Variants in SFMBT1 observed in about 807,000 individuals in gnomAD.
SFMBT1 encodes scm-like with four MBT domains protein 1.
Under a neutral mutation model 108.7 loss-of-function variants are expected in SFMBT1, and 32 were observed. That is an observed-to-expected ratio of 0.29 (90% CI 0.22 to 0.40). The LOEUF (loss-of-function observed/expected upper bound fraction) is 0.40, where lower values mean the gene tolerates loss of function less well. Among genes scored for constraint, SFMBT1 ranks in the 10% least tolerant of loss-of-function variants. The pLI, the probability that SFMBT1 is intolerant of heterozygous loss-of-function variation, is 1.00. For missense variants in SFMBT1, 816 were observed against 1,059.6 expected, an observed-to-expected ratio of 0.77 and a Z score of 3.19; for synonymous variants, 348 against 369.5, an observed-to-expected ratio of 0.94 and a Z score of 0.67.
chr3:52,946,348 C>T (rs1703364808), intron 3 of SFMBT1, among the ~76,000 whole-genome samples: 1 of 152,218 alleles, frequency 6.6e-6, no homozygotes, highest in Non-Finnish European at 1.5e-5. Context: ...AAAAGTCCTC[C>T]CCCGCTAGTC....
chr3:53,004,249 C>CT (rs201534367), intron 1 of SFMBT1, among the ~76,000 whole-genome samples: 11,497 of 86,956 alleles, frequency 0.13, 1,506 homozygotes, highest in South Asian at 0.35. Flanking sequence ...TCCCTTCTTT[C>CT]TTCTTTCTCT....
intron 13 of SFMBT1, among the ~76,000 whole-genome samples, chr3:52,916,905 C>G (rs1054773175): frequency 6.6e-6 from 1 of 152,016 alleles, no homozygotes; most frequent in Non-Finnish European, 1.5e-5. Flanking sequence ...AGTCAAAGAA[C>G]AGAAACTTTA....
chr3:53,016,853 C>A (rs573610722), intron 1 of SFMBT1, among the ~76,000 whole-genome samples: 27 of 152,240 alleles, frequency 1.8e-4, no homozygotes, highest in African/African-American at 6.3e-4. Context: ...GAAATTCTTC[C>A]CCATTCTGAA....
chr3:52,909,453 T>C (rs1702164950), intron 17 of SFMBT1, among the ~76,000 whole-genome samples: 1 of 152,232 alleles, frequency 6.6e-6, no homozygotes, highest in Admixed American at 6.5e-5. Context: ...TTATAAGATT[T>C]TGTAATTTAA....
At chr3:53,016,260 C>G (rs1699121261) in intron 1 of SFMBT1, among the ~76,000 whole-genome samples, 1 of 152,192 alleles carries the variant, frequency 6.6e-6, no homozygotes, top group Non-Finnish European at 1.5e-5. Flanking sequence ...ACTACACTCT[C>G]TGAGCTCTAA....
chr3:52,958,325 TCA>T (rs1703848703), intron 2 of SFMBT1, among the ~76,000 whole-genome samples: 1 of 152,218 alleles, frequency 6.6e-6, no homozygotes, highest in Non-Finnish European at 1.5e-5. Flanking sequence ...GCAGGGTGGC[TCA>T]TGCCTGTAAT....
chr3:52,977,522 A>AAAAAG (rs1034726548), intron 1 of SFMBT1, among the ~76,000 whole-genome samples: 1 of 152,140 alleles, frequency 6.6e-6, no homozygotes, highest in Non-Finnish European at 1.5e-5. Flanking sequence ...AAGGAAAAAG[A>AAAAAG]AAAAGAAAAG....
In SFMBT1 at chr3:52,972,873, C is replaced by CACACACAT. The variant is rs1553639763; in HGVS notation, c.-130-3616_-130-3615insATGTGTGT. On this transcript the variant is annotated intron_variant, in intron 1 of 20. Transcript: ENST00000394752. ...ACACACACACACACACACACACACACACTAGCTGAGTGTGGTCGCGGGCAC... is the reference window on the plus strand; with the variant it reads ...ACACACACACACACACACACACACACACACACATACTAGCTGAGTGTGGTCGCGGGCAC... Among the ~76,000 whole-genome samples, 10 of 150,214 alleles carry CACACACAT rather than the reference C, an allele frequency of 6.7e-5. 1 individual carries two copies. The highest frequency in any genetic ancestry group is 2.2e-4 in the African/African-American group (9 of 40,250).
chr3:53,025,256 T>C (rs1699448007), intron 1 of SFMBT1, among the ~76,000 whole-genome samples: 2 of 152,216 alleles, frequency 1.3e-5, no homozygotes, highest in Admixed American at 6.5e-5. Context: ...CCTTCATTTT[T>C]GGACTAAGGT....
At chr3:52,915,769 T>A (rs77281898) in intron 14 of SFMBT1, among the ~76,000 whole-genome samples, 1 of 152,306 alleles carries the variant, frequency 6.6e-6, no homozygotes, top group Non-Finnish European at 1.5e-5. Context: ...ATATACAAAG[T>A]ATGCATATCA....
chr3:52,978,636 CAT>C (rs1414028914), intron 1 of SFMBT1, among the ~76,000 whole-genome samples: 6 of 152,128 alleles, frequency 3.9e-5, no homozygotes, highest in Non-Finnish European at 5.9e-5. Flanking sequence ...CATTTGAAAA[CAT>C]ATGTCCAAAC....
intron 5 of SFMBT1, among the ~76,000 whole-genome samples, chr3:52,934,485 G>A (rs1162021409): frequency 6.6e-6 from 1 of 150,976 alleles, no homozygotes; most frequent in Non-Finnish European, 1.5e-5. Context: ...CCTGGTGTGG[G>A]AGTTACAAAT....
intron 1 of SFMBT1, among the ~76,000 whole-genome samples, chr3:52,980,367 T>A (rs986998268): frequency 6.6e-6 from 1 of 152,190 alleles, no homozygotes; most frequent in African/African-American, 2.4e-5. Context: ...CATCTCCACG[T>A]GGGCAATTCG....
At chr3:52,945,374 T>C (rs1703331973) in intron 3 of SFMBT1, among the ~76,000 whole-genome samples, 1 of 151,696 alleles carries the variant, frequency 6.6e-6, no homozygotes, top group Admixed American at 6.6e-5. Flanking sequence ...CTAATAGATT[T>C]AAATAAGTAT....
chr3:52,980,114 C>A (rs557992769), intron 1 of SFMBT1, among the ~76,000 whole-genome samples: 1 of 152,104 alleles, frequency 6.6e-6, no homozygotes, highest in East Asian at 1.9e-4. Flanking sequence ...ATATACAAAT[C>A]TATTATTAAA....
At chr3:53,028,127 G>C (rs898914745) in intron 1 of SFMBT1, among the ~76,000 whole-genome samples, 1 of 152,128 alleles carries the variant, frequency 6.6e-6, no homozygotes, top group South Asian at 2.1e-4. Flanking sequence ...GTCTTGCTCT[G>C]TCATCCAGGG....
chr3:53,040,889 C>T (rs542549719), intron 1 of SFMBT1, among the ~76,000 whole-genome samples: 1 of 150,132 alleles, frequency 6.7e-6, no homozygotes, highest in African/African-American at 2.4e-5. Context: ...ACTGCAACGT[C>T]TGTCTCCCTG....
chr3:52,928,345 T>A lies in SFMBT1; in HGVS notation c.898-4A>T, dbSNP rs767892362. 1 of 1,612,836 alleles carries A rather than the reference T, an allele frequency of 6.2e-7. No homozygotes were observed. The highest frequency in any genetic ancestry group is 8.5e-7 in the Non-Finnish European group (1 of 1,179,820). On this transcript the variant is annotated splice_region_variant and splice_polypyrimidine_tract_variant and intron_variant, in intron 8 of 20. Transcript: ENST00000394752. ...GAAAGTACTTCTCATCAAAAACCTA[T>A]ACATGCAATTAATAGATGAAATAGA...
chr3:52,939,385 C>T (rs958578410), intron 4 of SFMBT1, among the ~76,000 whole-genome samples: 7 of 152,078 alleles, frequency 4.6e-5, no homozygotes, highest in Non-Finnish European at 8.8e-5. Context: ...ACCAGCCTGG[C>T]CAACATGGTG....
Sources: allele counts gnomAD v4.1 joint callset (sites outside exome capture counted in the v4.1 genomes callset), GRCh38; gene constraint gnomAD v4.1.1; transcripts MANE v1.5; gene names NCBI Gene and HGNC (gene_info 2026-07-23, HGNC 2026-07-21).